PIP5KL1: variants seen among roughly 807,000 people sequenced by gnomAD.
The protein encoded by PIP5KL1 is phosphatidylinositol 4-phosphate 5-kinase-like protein 1.
Under a neutral mutation model 47.6 loss-of-function variants are expected in PIP5KL1, and 45 were observed. That is an observed-to-expected ratio of 0.94 (90% CI 0.74 to 1.21). PIP5KL1 has a LOEUF of 1.21. Ranked by LOEUF, PIP5KL1 falls within the 50% of genes most tolerant of loss-of-function variation. The probability of loss-of-function intolerance (pLI) is 0.00; values close to 1 mark genes in which losing one functional copy is unlikely to be tolerated. For missense variants in PIP5KL1, 577 were observed against 547.6 expected, an observed-to-expected ratio of 1.05 and a Z score of -0.54; for synonymous variants, 256 against 234.6, an observed-to-expected ratio of 1.09 and a Z score of -0.84.
At chr9:127,925,844 C>A in intron 8 of PIP5KL1, 23 bp downstream of exon 8, 1 of 1,571,538 alleles carries the variant, frequency 6.4e-7, no homozygotes, top group Non-Finnish European at 8.8e-7. Context: ...GAGGAACAGG[C>A]AGTGGCCACC....
Position 127,924,271 on chromosome 9 carries a change from C to T in PIP5KL1, c.917+836G>A, listed in dbSNP as rs544768570. On this transcript the variant is annotated intron_variant, in intron 9 of 9. Coordinates refer to ENST00000388747, the MANE Select transcript of PIP5KL1 (RefSeq NM_001135219.2). Reference sequence around the variant, plus strand: ...TTGGGAGGCCGAGGCGGGTGGATCACTTGAGGTCAGGAGTTCAAGACCAGC... The same window carrying T: ...TTGGGAGGCCGAGGCGGGTGGATCATTTGAGGTCAGGAGTTCAAGACCAGC... Among the ~76,000 whole-genome samples, 10 of 152,088 alleles carry T rather than the reference C, an allele frequency of 6.6e-5. No homozygotes were observed. The East Asian group carries it at 1.9e-3, about 29-fold the overall frequency.
chr9:127,928,505 C>T (rs370016869), intron 2 of PIP5KL1, 22 bp from the exon 3 acceptor site: 212 of 1,571,184 alleles, frequency 1.3e-4, no homozygotes, highest in Non-Finnish European at 1.7e-4. Context: ...GGTAGAGGAG[C>T]TCAGGGCAAC....
chr9:127,921,773 G>A lies in PIP5KL1; in HGVS notation c.*74C>T, dbSNP rs552640264. 2.0e-6 allele frequency: 3 copies of A among 1,477,778 alleles called. No homozygotes were observed. Among genetic ancestry groups the A allele is most frequent in the East Asian group, 4.9e-5 (2 of 40,482 alleles). The allele number at this position is 1,477,778 out of a possible 1,614,324, so 91.5% of individuals were successfully genotyped here. ...CATCAGGAGGAAGCGCAGGCGAGATGCCCGGGCCCGGGGGAACCGGCGTTC... is the reference window on the plus strand; with the variant it reads ...CATCAGGAGGAAGCGCAGGCGAGATACCCGGGCCCGGGGGAACCGGCGTTC... On this transcript the variant is annotated 3_prime_UTR_variant, in exon 10 of 10. Transcript: ENST00000388747.
intron 8 of PIP5KL1, chr9:127,925,620 C>T: frequency 3.8e-6 from 2 of 521,552 alleles, no homozygotes; most frequent in Non-Finnish European, 6.9e-6. Context: ...CGGGTACCAC[C>T]ACGCCTGGCT....
In PIP5KL1 at chr9:127,930,757, C is replaced by G. The variant is rs779595838; in HGVS notation, c.-5G>C. ...CCCCGGGCTCGGCGCAGCCATCGCCCCCGCAGCAGCTTCCCGGGCTTTGGC... is the reference window on the plus strand; with the variant it reads ...CCCCGGGCTCGGCGCAGCCATCGCCGCCGCAGCAGCTTCCCGGGCTTTGGC... On this transcript the variant is annotated 5_prime_UTR_variant, in exon 1 of 10. Coordinates refer to ENST00000388747, the MANE Select transcript of PIP5KL1 (RefSeq NM_001135219.2). The G allele has an allele frequency of 1.2e-4, 180 of 1,548,304 alleles. No individual in the cohort carries two copies. The highest frequency in any genetic ancestry group is 1.4e-4 in the Non-Finnish European group (161 of 1,151,346).
At chr9:127,928,704 T>C in intron 2 of PIP5KL1, 1 of 588,902 alleles carries the variant, frequency 1.7e-6, no homozygotes, top group East Asian at 2.9e-5. Context: ...AAGGCCTGAG[T>C]GTATCTCATC....
chr9:127,930,110 G>A (rs915961549), intron 1 of PIP5KL1, among the ~76,000 whole-genome samples: 2 of 152,154 alleles, frequency 1.3e-5, no homozygotes, highest in Admixed American at 6.5e-5. Context: ...CAGTAGATAG[G>A]GCGTGCACTC....
chr9:127,924,539 C>T (rs1831332118), intron 9 of PIP5KL1, among the ~76,000 whole-genome samples: 1 of 151,028 alleles, frequency 6.6e-6, no homozygotes, highest in African/African-American at 2.4e-5. Flanking sequence ...GCCTGTAATC[C>T]CAGCTACTCA....
chr9:127,928,295 G>A (rs1271430714), intron 3 of PIP5KL1, 76 bp from the exon 4 acceptor site: 31 of 1,537,774 alleles, frequency 2.0e-5, no homozygotes, highest in South Asian at 1.9e-4. Context: ...GGACAGGAGG[G>A]TCAGGGTGAC....
At chr9:127,930,679 C>T in intron 1 of PIP5KL1, 44 bp downstream of exon 1, 1 of 1,523,424 alleles carries the variant, frequency 6.6e-7, no homozygotes, top group Non-Finnish European at 8.8e-7. Context: ...GGCCCCTGCC[C>T]ACCAACCCTT....
At position 127,927,067 on chromosome 9, in the gene PIP5KL1, G is replaced by C; in HGVS notation, c.650+86C>G. The C allele has an allele frequency of 7.0e-7, 1 of 1,422,344 alleles. No individual in the cohort carries two copies. Among genetic ancestry groups the C allele is most frequent in the South Asian group, 1.4e-5 (1 of 72,700 alleles). The allele number at this position is 1,422,344 out of a possible 1,614,324, so 88.1% of individuals were successfully genotyped here. ...CGCCCCTTCTCCTTCCTGGGCCTCGGTTTCACCGTCTGGCTAGTGAGTGTG... is the reference window on the plus strand; with the variant it reads ...CGCCCCTTCTCCTTCCTGGGCCTCGCTTTCACCGTCTGGCTAGTGAGTGTG... On this transcript the variant is annotated intron_variant, in intron 7 of 9. Transcript: ENST00000388747. This position sits in a 1 kb window ranked among gnomAD's most constrained non-coding sequence, Gnocchi z 5.5.
At position 127,922,068 on chromosome 9, in the gene PIP5KL1, G is replaced by A; in HGVS notation, c.964C>T (p.Arg322Cys). Residue 322 changes from arginine (R) to cysteine (C), a missense_variant, in exon 10 of 10, where the codon CGC (arginine) becomes TGC (cysteine). By Grantham distance (180) the Arg-to-Cys change is radical. Transcript: ENST00000388747. ...QSPEESRAQNRRLLPDAPNAL... is the reference protein window; with the variant it reads ...QSPEESRAQNCRLLPDAPNAL... ...TTGGGGGCGTCGGGCAGCAGCCGGC[G>A]GTTTTGGGCTCTCGACTCTTCCGGG... 1.9e-6 allele frequency: 3 copies of A among 1,562,164 alleles called. No individual in the cohort carries two copies. Among genetic ancestry groups the A allele is most frequent in the Non-Finnish European group, 2.6e-6 (3 of 1,155,530 alleles).
In PIP5KL1 at chr9:127,930,711, G is replaced by A; in HGVS notation, c.30+12C>T. 6.4e-7 allele frequency: 1 copy of A among 1,570,508 alleles called. No homozygotes were observed. The highest frequency in any genetic ancestry group is 1.7e-4 in the Middle Eastern group (1 of 5,960). ...CCTTCCCTCTCCTGTCCTCTCTCGGGTCCGCACCTACCTCGCGGGGCCCCG... is the reference window on the plus strand; with the variant it reads ...CCTTCCCTCTCCTGTCCTCTCTCGGATCCGCACCTACCTCGCGGGGCCCCG... On this transcript the variant is annotated intron_variant, in intron 1 of 9. Transcript: ENST00000388747.
In PIP5KL1 at chr9:127,929,598, T is replaced by C; in HGVS notation, c.228+90A>G. 3.1e-6 allele frequency: 4 copies of C among 1,285,878 alleles called. No individual in the cohort carries two copies. Among genetic ancestry groups the C allele is most frequent in the Non-Finnish European group, 4.2e-6 (4 of 944,340 alleles). 79.7% of individuals were successfully genotyped at this position (1,285,878 alleles called of 1,614,324 possible). A position where few individuals can be genotyped will look rare whatever the true frequency, so the allele number is the denominator to read the frequency against. On this transcript the variant is annotated intron_variant, in intron 2 of 9. Transcript: ENST00000388747. The surrounding 1 kb of genome is among the most constrained non-coding windows in gnomAD (Gnocchi z 4.0). ...TCCTCCCCTTGATATCCCTCTCTGA[T>C]CCCCACACCTGCAGTTTCAGCCAGA... is the stretch of plus-strand genomic sequence containing the variant.
Position 127,927,102 on chromosome 9 carries a change from G to T in PIP5KL1, c.650+51C>A. ...CTGGCTAGTGAGTGTGGGTGCTTCG[G>T]GCCGCGAGTTTCGGCTGGGATGGGG... On this transcript the variant is annotated intron_variant, in intron 7 of 9. Coordinates refer to ENST00000388747, the MANE Select transcript of PIP5KL1 (RefSeq NM_001135219.2). This position sits in a 1 kb window ranked among gnomAD's most constrained non-coding sequence, Gnocchi z 5.5. 1 of 1,543,268 alleles carries T rather than the reference G, an allele frequency of 6.5e-7. No individual in the cohort carries two copies. Among genetic ancestry groups the T allele is most frequent in the Non-Finnish European group, 8.8e-7 (1 of 1,134,534 alleles).
Position 127,925,978 on chromosome 9 carries a change from A to G in PIP5KL1, c.652T>C (p.Tyr218His). 9 of 1,608,034 alleles carry G rather than the reference A, an allele frequency of 5.6e-6. No homozygotes were observed. The highest frequency in any genetic ancestry group is 7.7e-6 in the Non-Finnish European group (9 of 1,175,822). ...FYPAGRISER[Y>H]DIKGCEVSRW... Reference sequence around the variant, plus strand: ...CTCACCTCGCAGCCTTTGATGTCATACCTGGGTGGGGGGACAGAATTCAGC... The same window carrying G: ...CTCACCTCGCAGCCTTTGATGTCATGCCTGGGTGGGGGGACAGAATTCAGC... Residue 218 changes from tyrosine to histidine, a missense_variant and splice_region_variant, in exon 8 of 10, where the codon TAT becomes CAT. Tyr to His is a moderately conservative substitution (Grantham distance 83). Transcript: ENST00000388747.
intron 8 of PIP5KL1, chr9:127,925,487 AC>A: frequency 9.2e-6 from 5 of 541,874 alleles, no homozygotes; most frequent in Non-Finnish European, 1.3e-5. Flanking sequence ...ATTTTTTGAG[AC>A]AGAGTCTTGC....
intron 2 of PIP5KL1, 39 bp from the exon 3 acceptor site, chr9:127,928,522 TC>T: frequency 1.3e-6 from 2 of 1,524,942 alleles, no homozygotes. Flanking sequence ...CAACCCTCAG[TC>T]CCCTGCTGCC....
intron 2 of PIP5KL1, chr9:127,928,847 A>T: frequency 3.7e-6 from 1 of 273,340 alleles, no homozygotes. Context: ...GCCTGATGCA[A>T]CCTGGGAGGG....
Sources: allele counts gnomAD v4.1 joint callset (sites outside exome capture counted in the v4.1 genomes callset), GRCh38; gene constraint gnomAD v4.1.1; non-coding constraint Gnocchi (gnomAD v3.1); transcripts MANE v1.5; gene names NCBI Gene and HGNC (gene_info 2026-07-23, HGNC 2026-07-21).